CDH17: variants seen among roughly 807,000 people sequenced by gnomAD.
CDH17 encodes cadherin-17.
In CDH17, 67 loss-of-function variants were observed where a neutral mutation model predicts 86.3. The observed-to-expected ratio is 0.78, with a 90% CI of 0.64 to 0.95. CDH17 has a LOEUF of 0.95. Among genes scored for constraint, CDH17 ranks in the 40% least tolerant of loss-of-function variants. CDH17 has a pLI of 0.00. For missense variants in CDH17, 993 were observed against 1,017.6 expected, an observed-to-expected ratio of 0.98 and a Z score of 0.33; for synonymous variants, 367 against 366.4, an observed-to-expected ratio of 1.00 and a Z score of -0.02.
intron 15 of CDH17, among the ~76,000 whole-genome samples, chr8:94,133,313 A>G (rs183943980): frequency 5.4e-4 from 82 of 152,208 alleles, no homozygotes; most frequent in Admixed American, 7.8e-4. Flanking sequence ...ATGTTCTTCC[A>G]TTTGTTTGTG....
chr8:94,133,356 G>T (rs1318222417), intron 15 of CDH17, among the ~76,000 whole-genome samples: 1 of 152,120 alleles, frequency 6.6e-6, no homozygotes, highest in Non-Finnish European at 1.5e-5. Context: ...GTGGTTTATA[G>T]TTCTCCTTGA....
chr8:94,216,815 A>C (rs1471903127), intron 1 of CDH17, among the ~76,000 whole-genome samples: 4 of 152,126 alleles, frequency 2.6e-5, no homozygotes, highest in African/African-American at 4.8e-5. Flanking sequence ...AGTACAAATA[A>C]GTTTTTAGTA....
intron 15 of CDH17, among the ~76,000 whole-genome samples, chr8:94,134,835 G>A (rs1331202812): frequency 1.3e-5 from 2 of 152,134 alleles, no homozygotes; most frequent in Non-Finnish European, 2.9e-5. Context: ...CTTTAAATGT[G>A]TCCCAGAGAT....
chr8:94,215,246 TC>T (rs1814175724), intron 1 of CDH17, among the ~76,000 whole-genome samples: 1 of 152,176 alleles, frequency 6.6e-6, no homozygotes, highest in Non-Finnish European at 1.5e-5. Flanking sequence ...CAAATATTCA[TC>T]AACTGATGGA....
intron 2 of CDH17, 110 bp from the exon 3 acceptor site, chr8:94,189,395 G>T: frequency 1.4e-6 from 1 of 733,010 alleles, no homozygotes; most frequent in Non-Finnish European, 2.3e-6. Flanking sequence ...TTCTATCATG[G>T]CTGAAATCTG....
chr8:94,185,192 A>G (rs1421828653), intron 3 of CDH17, among the ~76,000 whole-genome samples: 3 of 151,890 alleles, frequency 2.0e-5, no homozygotes, highest in Non-Finnish European at 4.4e-5. Flanking sequence ...GTTTTCTAGC[A>G]TGAAGCTTCT....
chr8:94,149,238 T>A (rs1054799385), intron 13 of CDH17, among the ~76,000 whole-genome samples: 1 of 152,162 alleles, frequency 6.6e-6, no homozygotes, highest in Non-Finnish European at 1.5e-5. Context: ...CCTGGAAGTA[T>A]CTTTTAAAAC....
chr8:94,168,143 T>TATAC (rs1813199267), intron 9 of CDH17, among the ~76,000 whole-genome samples: 10 of 101,570 alleles, frequency 9.8e-5, no homozygotes, highest in African/African-American at 5.8e-4. Flanking sequence ...TATATATATA[T>TATAC]ATATATATAT....
intron 2 of CDH17, among the ~76,000 whole-genome samples, chr8:94,193,592 C>T (rs1407257624): frequency 6.6e-6 from 1 of 152,116 alleles, no homozygotes; most frequent in Non-Finnish European, 1.5e-5. Context: ...AGTTTGAATC[C>T]ATGTCTGAAT....
At position 94,127,538 on chromosome 8, in the gene CDH17, G is replaced by A. The variant is rs9417; in HGVS notation, c.*702C>T. 1 of 152,126 alleles carries A rather than the reference G, an allele frequency of 6.6e-6. No individual in the cohort carries two copies. The highest frequency in any genetic ancestry group is 1.5e-5 in the Non-Finnish European group (1 of 68,016). The allele number at this position is 152,126 out of a possible 1,614,324, so 9.4% of individuals were successfully genotyped here. ...TTATTTATTTTTCCTGAGTCCTCAC[G>A]TTTTTCTTCTCTGACAAATGTTTGA... On this transcript the variant is annotated 3_prime_UTR_variant, in exon 18 of 18. Transcript: ENST00000027335.
At chr8:94,211,037 A>G (rs1237349402), upstream of CDH17, among the ~76,000 whole-genome samples, 1 of 151,648 alleles carries the variant, frequency 6.6e-6, no homozygotes, top group Admixed American at 6.6e-5. Context: ...AAAAAAAAAA[A>G]AGAAAACAAA....
rs1366612881 is a variant in CDH17, at chr8:94,131,097, G to A, written c.2168-105C>T. The stretch of plus-strand genomic sequence containing the variant: ...ACTAAGGTTGACTGGAACATGGCTA[G>A]ATATGAGTTAAACTGCCCAAAGTAT... On this transcript the variant is annotated intron_variant, in intron 15 of 17. Transcript: ENST00000027335. 4 of 689,652 alleles carry A rather than the reference G, an allele frequency of 5.8e-6. No individual in the cohort carries two copies. The East Asian group carries it at 9.9e-5, about 17-fold the overall frequency. The allele number at this position is 689,652 out of a possible 1,614,324, so 42.7% of individuals were successfully genotyped here.
At chr8:94,155,289 T>C (rs1812926192) in intron 12 of CDH17, among the ~76,000 whole-genome samples, 1 of 151,772 alleles carries the variant, frequency 6.6e-6, no homozygotes, top group African/African-American at 2.4e-5. Flanking sequence ...CTGGAGTTTC[T>C]CACTCACAGG....
intron 12 of CDH17, among the ~76,000 whole-genome samples, chr8:94,155,255 T>G (rs933063519): frequency 6.6e-6 from 1 of 151,844 alleles, no homozygotes; most frequent in African/African-American, 2.4e-5. Flanking sequence ...CTTCTCCCCC[T>G]GAAGTAGAGG....
intron 14 of CDH17, 67 bp from the exon 15 acceptor site, chr8:94,146,234 C>T: frequency 2.2e-6 from 3 of 1,361,724 alleles, no homozygotes; most frequent in Non-Finnish European, 2.9e-6. Flanking sequence ...GAAAGATTTC[C>T]CTTTCTTTAA....
chr8:94,212,123 T>C (rs2129675824), upstream of CDH17, among the ~76,000 whole-genome samples: 1 of 152,344 alleles, frequency 6.6e-6, no homozygotes, highest in East Asian at 1.9e-4. Context: ...TTCTGATAAA[T>C]TTAAGCAAAA....
intron 1 of CDH17, among the ~76,000 whole-genome samples, chr8:94,198,294 ATAAT>A (rs1241530973): frequency 6.6e-6 from 1 of 152,234 alleles, no homozygotes; most frequent in Admixed American, 6.5e-5. Context: ...CTTTTGCAAC[ATAAT>A]TAATTTGGTT....
intron 12 of CDH17, among the ~76,000 whole-genome samples, 175 bp downstream of exon 12, chr8:94,159,796 T>G (rs1214977957): frequency 1.3e-5 from 2 of 152,198 alleles, no homozygotes; most frequent in Admixed American, 1.3e-4. Context: ...AATCCTGACT[T>G]CCCGTCTGTC....
At chr8:94,179,826 A>T (rs2130649990) in intron 3 of CDH17, among the ~76,000 whole-genome samples, 1 of 152,262 alleles carries the variant, frequency 6.6e-6, no homozygotes, top group African/African-American at 2.4e-5. Flanking sequence ...AAGCAAACAA[A>T]CAGCATCAAC....
Sources: allele counts gnomAD v4.1 joint callset (sites outside exome capture counted in the v4.1 genomes callset), GRCh38; gene constraint gnomAD v4.1.1; transcripts MANE v1.5; gene names NCBI Gene and HGNC (gene_info 2026-07-23, HGNC 2026-07-21).